CDH13: variants seen among roughly 807,000 people sequenced by gnomAD.
CDH13 encodes cadherin 13.
CDH13 carries 24 observed loss-of-function variants against 63.8 expected under a neutral mutation model. That is an observed-to-expected ratio of 0.38 (90% CI 0.27 to 0.53). The LOEUF (loss-of-function observed/expected upper bound fraction) is 0.53, where lower values mean the gene tolerates loss of function less well. CDH13 is among the 20% of genes least tolerant of loss of function. The pLI is 0.85. For missense variants in CDH13, 1,049 were observed against 903.1 expected (o/e 1.16, Z -2.07); for synonymous variants, 503 against 355.3 (o/e 1.42, Z -4.67).
chr16:83,600,563 G>A (rs1291552739), intron 7 of CDH13, among the ~76,000 whole-genome samples: 1 of 152,162 alleles, frequency 6.6e-6, no homozygotes, highest in Non-Finnish European at 1.5e-5. Context: ...GAAGAAAATT[G>A]GACATCCTCC....
intron 10 of CDH13, among the ~76,000 whole-genome samples, chr16:83,746,208 T>C (rs1025891689): frequency 6.6e-6 from 1 of 152,214 alleles, no homozygotes; most frequent in African/African-American, 2.4e-5. Flanking sequence ...AACCAAGACG[T>C]TGGCAGGGCC....
At chr16:83,659,595 G>A (rs890955163) in intron 8 of CDH13, among the ~76,000 whole-genome samples, 2 of 152,206 alleles carry the variant, frequency 1.3e-5, no homozygotes, top group African/African-American at 2.4e-5. Context: ...ATCCAAGAAC[G>A]ATCTCTGAAA....
chr16:83,799,005 T>A lies in CDH13; in HGVS notation c.*3975T>A, dbSNP rs1277485558. The A allele has an allele frequency of 1.3e-5, 2 of 152,158 alleles. No individual in the cohort carries two copies. Among genetic ancestry groups the A allele is most frequent in the Non-Finnish European group, 2.9e-5 (2 of 68,034 alleles). The allele number at this position is 152,158 out of a possible 1,614,324, so 9.4% of individuals were successfully genotyped here. On this transcript the variant is annotated 3_prime_UTR_variant, in exon 14 of 14. Transcript: ENST00000567109. ...AGATGAGGGGCTTCTCCTAGATTAA[T>A]TTAACATCTCAGTTAATCAAAAGTA...
At chr16:83,661,870 C>T (rs2150838868) in intron 8 of CDH13, among the ~76,000 whole-genome samples, 1 of 152,314 alleles carries the variant, frequency 6.6e-6, no homozygotes, top group East Asian at 1.9e-4. Flanking sequence ...CCTGCCAGGG[C>T]ATGCAGTGAA....
At chr16:83,275,136 C>T (rs2088946505) in intron 5 of CDH13, among the ~76,000 whole-genome samples, 1 of 152,172 alleles carries the variant, frequency 6.6e-6, no homozygotes, top group Non-Finnish European at 1.5e-5. Flanking sequence ...ACACATTAGA[C>T]ATCCAATACA....
At chr16:82,682,278 T>C (rs945111205) in intron 1 of CDH13, among the ~76,000 whole-genome samples, 3 of 152,192 alleles carry the variant, frequency 2.0e-5, no homozygotes, top group Non-Finnish European at 2.9e-5. Flanking sequence ...AACATGCTGA[T>C]TCCATCTGTC....
At chr16:83,380,078 T>C (rs995576403) in intron 6 of CDH13, among the ~76,000 whole-genome samples, 17 of 151,940 alleles carry the variant, frequency 1.1e-4, no homozygotes, top group Non-Finnish European at 2.1e-4. Flanking sequence ...GAAACAAATA[T>C]ATGCCTAAGA....
intron 1 of CDH13, among the ~76,000 whole-genome samples, chr16:82,848,220 G>A (rs2039345015): frequency 6.6e-6 from 1 of 152,202 alleles, no homozygotes; most frequent in East Asian, 1.9e-4. Flanking sequence ...TGGAGTTGCA[G>A]CAAATTATCT....
At chr16:83,058,420 A>G (rs540168096) in intron 3 of CDH13, among the ~76,000 whole-genome samples, 1 of 152,300 alleles carries the variant, frequency 6.6e-6, no homozygotes, top group East Asian at 1.9e-4. Flanking sequence ...CTATGTTTCA[A>G]CATGGGGGTA....
intron 11 of CDH13, among the ~76,000 whole-genome samples, chr16:83,764,961 G>A (rs774899130): frequency 2.6e-5 from 4 of 152,106 alleles, no homozygotes; most frequent in African/African-American, 9.7e-5. Context: ...ACACCACTTC[G>A]TCCCCCTACA....
At chr16:83,030,769 A>AG (rs1310949569) in intron 2 of CDH13, among the ~76,000 whole-genome samples, 1 of 151,780 alleles carries the variant, frequency 6.6e-6, no homozygotes, top group Non-Finnish European at 1.5e-5. Context: ...CAAATCGTCC[A>AG]GGGCTACCAG....
intron 4 of CDH13, among the ~76,000 whole-genome samples, chr16:83,166,648 T>C (rs939433644): frequency 6.6e-6 from 1 of 152,186 alleles, no homozygotes; most frequent in Non-Finnish European, 1.5e-5. Flanking sequence ...CATTTCCATA[T>C]TTAATATATT....
intron 11 of CDH13, among the ~76,000 whole-genome samples, chr16:83,770,665 C>T (rs781081761): frequency 6.6e-6 from 1 of 152,136 alleles, no homozygotes; most frequent in Non-Finnish European, 1.5e-5. Flanking sequence ...TTATTCATGC[C>T]TCCCCTTTTT....
intron 6 of CDH13, among the ~76,000 whole-genome samples, chr16:83,385,562 C>T (rs1214423445): frequency 1.3e-5 from 2 of 152,230 alleles, no homozygotes; most frequent in East Asian, 3.9e-4. Flanking sequence ...AAATAGGGCT[C>T]CTTCATCTTG....
At chr16:83,462,119 T>C (rs1319067624) in intron 6 of CDH13, among the ~76,000 whole-genome samples, 1 of 152,212 alleles carries the variant, frequency 6.6e-6, no homozygotes, top group Non-Finnish European at 1.5e-5. Flanking sequence ...CATGGGGCAG[T>C]GCATGACTGA....
chr16:82,999,755 C>T (rs115375615), intron 2 of CDH13, among the ~76,000 whole-genome samples: 7,677 of 152,244 alleles, frequency 0.05, 232 homozygotes, highest in African/African-American at 0.079. Context: ...CAGCAGCTGT[C>T]GTCCAGCACA....
At chr16:83,654,821 C>T (rs1231068743) in intron 8 of CDH13, 2 of 152,168 alleles carry the variant, frequency 1.3e-5, no homozygotes, top group Admixed American at 1.3e-4. Context: ...GATTTCCCAC[C>T]AACCCTATGA....
intron 7 of CDH13, among the ~76,000 whole-genome samples, chr16:83,568,149 A>G (rs1271404078): frequency 6.6e-6 from 1 of 152,134 alleles, no homozygotes; most frequent in African/African-American, 2.4e-5. Context: ...GTCTGAATAC[A>G]TGTGCTGGTG....
intron 1 of CDH13, among the ~76,000 whole-genome samples, chr16:82,689,533 G>A (rs369065852): frequency 3.9e-5 from 6 of 152,186 alleles, no homozygotes; most frequent in Non-Finnish European, 5.9e-5. Context: ...CTGAAGGCTC[G>A]AGGATGACAG....
Sources: gnomAD v4.1 joint callset for allele counts (sites outside exome capture counted in the v4.1 genomes callset) on GRCh38, gnomAD v4.1.1 for gene constraint, MANE v1.5 for transcripts, NCBI Gene and HGNC (gene_info 2026-07-23, HGNC 2026-07-21) for gene names.